Variants in ZSWIM3 observed in about 807,000 individuals in gnomAD.
The protein encoded by ZSWIM3 is zinc finger SWIM-type containing 3.
A neutral mutation model predicts 47.5 loss-of-function variants in ZSWIM3; 27 were observed. That is an observed-to-expected ratio of 0.57 (90% CI 0.42 to 0.78). The LOEUF (loss-of-function observed/expected upper bound fraction) is 0.78. Ranked by LOEUF, ZSWIM3 falls within the 30% of genes least tolerant of loss-of-function variation. The pLI is 0.00. For synonymous variants in ZSWIM3, 333 were observed against 333.9 expected (o/e 1.00, Z 0.03); for missense variants, 689 against 861.3 (o/e 0.80, Z 2.50).
At chr20:45,866,741 A>G (rs1051820023) in intron 1 of ZSWIM3, among the ~76,000 whole-genome samples, 1 of 152,078 alleles carries the variant, frequency 6.6e-6, no homozygotes, top group South Asian at 2.1e-4. Context: ...GTTTGAAGCT[A>G]CAGTGAGCCA....
intron 1 of ZSWIM3, chr20:45,872,824 A>G: frequency 2.3e-6 from 3 of 1,282,834 alleles, no homozygotes; most frequent in Non-Finnish European, 3.0e-6. Flanking sequence ...TGCACACAAT[A>G]GGTACAGACA....
chr20:45,870,078 T>C (rs1985939674), intron 1 of ZSWIM3, among the ~76,000 whole-genome samples: 1 of 141,174 alleles, frequency 7.1e-6, no homozygotes, highest in Non-Finnish European at 1.5e-5. Context: ...AGGCCAAGCG[T>C]GGTGGCTGTA....
chr20:45,871,788 G>C (rs890030079), intron 1 of ZSWIM3, among the ~76,000 whole-genome samples: 1 of 150,890 alleles, frequency 6.6e-6, no homozygotes, highest in Non-Finnish European at 1.5e-5. Context: ...TTGAACCCAG[G>C]AGGCAGAGGT....
In ZSWIM3 at chr20:45,877,945, A is replaced by C; in HGVS notation, c.1387A>C (p.Ser463Arg). 1 of 1,614,132 alleles carries C rather than the reference A, an allele frequency of 6.2e-7. No individual in the cohort carries two copies. The highest frequency in any genetic ancestry group is 8.5e-7 in the Non-Finnish European group (1 of 1,180,030). Residue 463 changes from serine to arginine, a missense_variant, in exon 2 of 2, where the codon AGC becomes CGC. By Grantham distance (110) the Ser-to-Arg change is moderately radical. Transcript: ENST00000255152. The part of the protein sequence containing the change: ...SKKAFGICGE[S>R]LTSLPAEETK... ...GAAGGCTTTTGGAATCTGTGGAGAG[A>C]GCCTTACCAGCCTCCCTGCAGAAGA...
intron 1 of ZSWIM3, among the ~76,000 whole-genome samples, chr20:45,863,180 TG>T (rs1225404426): frequency 8.0e-3 from 311 of 38,762 alleles, no homozygotes; most frequent in African/African-American, 0.016. Flanking sequence ...TTTTTTTTTT[TG>T]TTTGTTTGTT....
intron 1 of ZSWIM3, among the ~76,000 whole-genome samples, chr20:45,875,593 C>T (rs1986072977): frequency 6.6e-6 from 1 of 152,038 alleles, no homozygotes; most frequent in Non-Finnish European, 1.5e-5. Flanking sequence ...CCTCTGCCTC[C>T]CAGGTTCAAG....
intron 1 of ZSWIM3, among the ~76,000 whole-genome samples, chr20:45,871,783 C>A (rs1415439901): frequency 6.6e-6 from 1 of 151,058 alleles, no homozygotes; most frequent in African/African-American, 2.4e-5. Flanking sequence ...ATTGCTTGAA[C>A]CCAGGAGGCA....
Position 45,876,843 on chromosome 20 carries a change from A to G in ZSWIM3, c.285A>G (p.Glu95=). ...GACTAGATAGACTATTTATCAGTGA[A>G]CTAAACACACAGCACATACATGGTG... ...NERLDRLFIS[E]LNTQHIHGDS... The change falls in exon 2 of 2, where the codon GAA becomes GAG. Residue 95 remains glutamate (E), a synonymous_variant. Transcript: ENST00000255152. 1 of 1,614,180 alleles carries G rather than the reference A, an allele frequency of 6.2e-7. No homozygotes were observed. Among genetic ancestry groups the G allele is most frequent in the Non-Finnish European group, 8.5e-7 (1 of 1,180,022 alleles).
In ZSWIM3 at chr20:45,878,622, T is replaced by G. The variant is rs201805977; in HGVS notation, c.2064T>G (p.Pro688=). 2 of 1,611,664 alleles carry G rather than the reference T, an allele frequency of 1.2e-6. No individual in the cohort carries two copies. The highest frequency in any genetic ancestry group is 2.7e-5 in the African/African-American group (2 of 74,892). Residue 688 remains proline (P), a synonymous_variant, in exon 2 of 2, where the codon CCT becomes CCG. Transcript: ENST00000255152. ...AGCAAGAAGAAGGGGAGGGATTCCC[T>G]CCTGCTACAGCTGTGATGCATTATT... ...WGKQEEGEGF[P]PATAVMHY is the part of the protein sequence containing the mutation.
chr20:45,867,002 A>T (rs7261444), intron 1 of ZSWIM3, among the ~76,000 whole-genome samples: 76,336 of 137,270 alleles, frequency 0.56, 21,637 homozygotes, highest in Admixed American at 0.63. Flanking sequence ...CAAGTTAGAA[A>T]TTTTTTTTTT....
intron 1 of ZSWIM3, 97 bp downstream of exon 1, chr20:45,858,077 G>A (rs1235729630): frequency 2.3e-6 from 3 of 1,318,776 alleles, no homozygotes; most frequent in Non-Finnish European, 3.1e-6. Flanking sequence ...GGCACGCATT[G>A]GGCTGCGTGG....
chr20:45,877,243 A>G lies in ZSWIM3; in HGVS notation c.685A>G (p.Thr229Ala), dbSNP rs366837. The G allele has an allele frequency of 3.1e-6, 5 of 1,613,776 alleles. No individual in the cohort carries two copies. In the African/African-American group the frequency reaches 4.0e-5, roughly 13 times the overall value. ...ENLLLHRVEN[T>A]QGHILYAFLV... ...TCTCTTGCTACACCGGGTGGAGAAC[A>G]CCCAGGGCCACATCCTCTATGCTTT... The change falls in exon 2 of 2, where the codon ACC (threonine) becomes GCC (alanine). Residue 229 changes from threonine (T) to alanine (A), a missense_variant. Transcript: ENST00000255152.
intron 1 of ZSWIM3, among the ~76,000 whole-genome samples, chr20:45,875,100 G>A (rs758050212): frequency 5.6e-5 from 8 of 142,306 alleles, no homozygotes; most frequent in African/African-American, 7.9e-5. Flanking sequence ...GTGCGGTGGC[G>A]CCATCTTGGC....
chr20:45,878,960 TG>T lies in ZSWIM3; in HGVS notation c.*312del. The T allele has an allele frequency of 3.5e-6, 1 of 285,956 alleles. No homozygotes were observed. The highest frequency in any genetic ancestry group is 7.3e-5 in the South Asian group (1 of 13,630). 17.7% of individuals were successfully genotyped at this position (285,956 alleles called of 1,614,324 possible). On this transcript the variant is annotated 3_prime_UTR_variant, in exon 2 of 2. Coordinates refer to ENST00000255152, the MANE Select transcript of ZSWIM3 (RefSeq NM_080752.4). ...TCAGATCTTATTTGCTCTGCAAAGATGAATCCCTGCCTCAGGTTAGGGTGAG... is the reference window on the plus strand; with the variant it reads ...TCAGATCTTATTTGCTCTGCAAAGATAATCCCTGCCTCAGGTTAGGGTGAG...
At chr20:45,862,869 C>CAAGT (rs1259671146) in intron 1 of ZSWIM3, among the ~76,000 whole-genome samples, 1 of 152,170 alleles carries the variant, frequency 6.6e-6, no homozygotes, top group Non-Finnish European at 1.5e-5. Context: ...CTCCTAGGCT[C>CAAGT]AAGTGATCCT....
Position 45,877,894 on chromosome 20 carries a change from C to A in ZSWIM3, c.1336C>A (p.Pro446Thr). ...TPPPKLKRAR[P>T]ASMPLKSKKA... ...TCCTCCCAAATTAAAGAGAGCTCGG[C>A]CGGCAAGCATGCCACTGAAGTCCAA... The change falls in exon 2 of 2, where the codon CCG becomes ACG. Residue 446 changes from proline (P) to threonine (T), a missense_variant. Pro to Thr is a conservative substitution (Grantham distance 38). Transcript: ENST00000255152. 6.2e-7 allele frequency: 1 copy of A among 1,614,180 alleles called. No homozygotes were observed. The highest frequency in any genetic ancestry group is 8.5e-7 in the Non-Finnish European group (1 of 1,180,038).
intron 1 of ZSWIM3, among the ~76,000 whole-genome samples, chr20:45,867,459 T>C (rs1232774721): frequency 6.6e-6 from 1 of 152,210 alleles, no homozygotes; most frequent in Non-Finnish European, 1.5e-5. Flanking sequence ...TTACAGCCAG[T>C]AGAGCTGTTC....
At chr20:45,858,756 A>C (rs1985618121) in intron 1 of ZSWIM3, among the ~76,000 whole-genome samples, 1 of 148,418 alleles carries the variant, frequency 6.7e-6, no homozygotes. Context: ...AGTGTTCTCT[A>C]TGCATGCTTT....
intron 1 of ZSWIM3, among the ~76,000 whole-genome samples, chr20:45,859,540 G>A (rs1295774817): frequency 1.3e-5 from 2 of 152,114 alleles, no homozygotes; most frequent in African/African-American, 2.4e-5. Flanking sequence ...TGAATGTAGA[G>A]TGCTAGAGTA....
Sources: allele counts gnomAD v4.1 joint callset (sites outside exome capture counted in the v4.1 genomes callset), GRCh38; gene constraint gnomAD v4.1.1; transcripts MANE v1.5; gene names NCBI Gene and HGNC (gene_info 2026-07-23, HGNC 2026-07-21).